ZC3H12B: variants seen among roughly 807,000 people sequenced by gnomAD.
ZC3H12B encodes zinc finger CCCH-type containing 12B, also known as probable ribonuclease ZC3H12B.
A neutral mutation model predicts 43.9 loss-of-function variants in ZC3H12B; 7 were observed. The ratio of observed to expected loss-of-function variants is 0.16; its 90% CI spans 0.09 to 0.30. The LOEUF (loss-of-function observed/expected upper bound fraction) is 0.30. Among genes scored for constraint, ZC3H12B ranks in the 10% least tolerant of loss-of-function variants. The pLI, the probability that ZC3H12B is intolerant of heterozygous loss-of-function variation, is 1.00. For missense variants in ZC3H12B, 475 were observed against 670.2 expected, an observed-to-expected ratio of 0.71 and a Z score of 3.22; for synonymous variants, 222 against 241.7, an observed-to-expected ratio of 0.92 and a Z score of 0.76.
the ZC3H12B span, among the ~76,000 whole-genome samples, chrX:65,098,857 G>A: frequency 9.0e-6 from 1 of 110,524 alleles, no homozygotes. Flanking sequence ...TACCCCAGTG[G>A]TGCCTGGAAC....
In ZC3H12B at chrX:65,395,721, C is replaced by T. The variant is rs781012091; in HGVS notation, n.296-2872C>T. ...CTCATAAATTGAGTTAGGGAGAAGT[C>T]CCATTTTTTCTATCATTTGGAATAG... On this transcript the variant is annotated intron_variant and non_coding_transcript_variant, in intron 2 of 5. Transcript: ENST00000617377. Among the ~76,000 whole-genome samples, 140 of 111,481 alleles carry T rather than the reference C, an allele frequency of 1.3e-3. 1 individual carries two copies. The highest frequency in any genetic ancestry group is 4.3e-3 in the African/African-American group (133 of 30,748).
At chrX:65,320,873 C>T in the ZC3H12B span, among the ~76,000 whole-genome samples, 1 of 111,984 alleles carries the variant, frequency 8.9e-6, no homozygotes, top group East Asian at 2.8e-4. Context: ...GGACCCCTTC[C>T]TTACATCATA....
the ZC3H12B span, among the ~76,000 whole-genome samples, chrX:65,149,613 A>G: frequency 2.0e-4 from 22 of 108,266 alleles, no homozygotes; most frequent in African/African-American, 7.4e-4. Context: ...ATACAAAAAA[A>G]ATTAACTGGG....
chrX:65,412,002 A>G (rs1490226738), intron 3 of ZC3H12B, among the ~76,000 whole-genome samples: 1 of 111,426 alleles, frequency 9.0e-6, no homozygotes, highest in Non-Finnish European at 1.9e-5. Flanking sequence ...TGAAATCTAG[A>G]TAATATAAAG....
the ZC3H12B span, among the ~76,000 whole-genome samples, chrX:65,322,377 G>T: frequency 1.6e-4 from 18 of 112,071 alleles, no homozygotes; most frequent in African/African-American, 5.8e-4. Context: ...GAGTTTTTGA[G>T]GAGTTAAACA....
At chrX:65,171,553 C>T in the ZC3H12B span, among the ~76,000 whole-genome samples, 1 of 111,272 alleles carries the variant, frequency 9.0e-6, no homozygotes, top group Non-Finnish European at 1.9e-5. Context: ...GTGAGAAGCA[C>T]TACTCTCTTC....
chrX:65,342,207 G>T, the ZC3H12B span, among the ~76,000 whole-genome samples: 1 of 111,700 alleles, frequency 9.0e-6, no homozygotes, highest in Non-Finnish European at 1.9e-5. Context: ...AGTTCAACAA[G>T]GAGACCTAAC....
the ZC3H12B span, among the ~76,000 whole-genome samples, chrX:65,087,351 T>C: frequency 3.6e-5 from 4 of 112,000 alleles, no homozygotes; most frequent in African/African-American, 1.3e-4. Flanking sequence ...GGAGAAAGGT[T>C]AATTGAATTT....
chrX:65,376,232 T>C (rs1346023861), intron 2 of ZC3H12B, among the ~76,000 whole-genome samples: 1 of 112,097 alleles, frequency 8.9e-6, no homozygotes, highest in Non-Finnish European at 1.9e-5. Flanking sequence ...GGAAAGCATC[T>C]CATTGAGCAC....
chrX:65,096,069 AATATT>A, the ZC3H12B span, among the ~76,000 whole-genome samples: 3 of 111,579 alleles, frequency 2.7e-5, no homozygotes, highest in African/African-American at 9.8e-5. Flanking sequence ...ATATGGCAGA[AATATT>A]ATAATTATCA....
At chrX:65,297,464 A>T in the ZC3H12B span, among the ~76,000 whole-genome samples, 1 of 111,544 alleles carries the variant, frequency 9.0e-6, no homozygotes, top group Non-Finnish European at 1.9e-5. Context: ...CTCTACAAGG[A>T]AAACTACAAA....
the ZC3H12B span, among the ~76,000 whole-genome samples, chrX:65,181,038 C>G: frequency 9.0e-6 from 1 of 111,369 alleles, no homozygotes; most frequent in Non-Finnish European, 1.9e-5. Flanking sequence ...CAGCATGGTA[C>G]TGGTACCAAA....
the ZC3H12B span, among the ~76,000 whole-genome samples, chrX:65,210,921 G>T: frequency 2.0e-5 from 1 of 48,942 alleles, no homozygotes; most frequent in Non-Finnish European, 3.5e-5. Context: ...GACTGTGGTG[G>T]GGTCGGGGGG....
At chrX:65,238,004 G>T in the ZC3H12B span, among the ~76,000 whole-genome samples, 1 of 111,672 alleles carries the variant, frequency 9.0e-6, no homozygotes, top group Non-Finnish European at 1.9e-5. Context: ...TGTTTATCAG[G>T]AATGTTGGCC....
At chrX:65,125,113 G>T in the ZC3H12B span, among the ~76,000 whole-genome samples, 1 of 110,949 alleles carries the variant, frequency 9.0e-6, no homozygotes. Context: ...TTTGATGTAG[G>T]CATTTAATGC....
chrX:65,102,071 T>G, the ZC3H12B span, among the ~76,000 whole-genome samples: 2 of 112,101 alleles, frequency 1.8e-5, no homozygotes, highest in African/African-American at 6.5e-5. Context: ...GATGCAAGGC[T>G]GGTTCAGCCT....
At chrX:65,255,717 G>T in the ZC3H12B span, among the ~76,000 whole-genome samples, 1 of 112,230 alleles carries the variant, frequency 8.9e-6, no homozygotes, top group Non-Finnish European at 1.9e-5. Flanking sequence ...CAGGCTAAAT[G>T]TCACAATTAA....
At chrX:65,079,411 G>A in the ZC3H12B span, among the ~76,000 whole-genome samples, 4 of 112,264 alleles carry the variant, frequency 3.6e-5, no homozygotes, top group East Asian at 1.1e-3. Context: ...GTTACATCAG[G>A]CCTTGGGTGA....
chrX:65,054,226 GT>G, the ZC3H12B span, among the ~76,000 whole-genome samples: 2 of 111,845 alleles, frequency 1.8e-5, no homozygotes, highest in Non-Finnish European at 3.8e-5. Context: ...TTCTTCTAGA[GT>G]TTTTATGGTT....
Sources: allele counts gnomAD v4.1 joint callset (sites outside exome capture counted in the v4.1 genomes callset), GRCh38; gene constraint gnomAD v4.1.1; transcripts MANE v1.5; gene names NCBI Gene and HGNC (gene_info 2026-07-23, HGNC 2026-07-21).